The following SEMA3G variants were observed in gnomAD, a reference collection of about 807,000 sequenced individuals.
The protein encoded by SEMA3G is semaphorin 3G, also known as semaphorin-3G.
A neutral mutation model predicts 86.2 loss-of-function variants in SEMA3G; 70 were observed. The observed-to-expected ratio is 0.81, with a 90% CI of 0.67 to 0.99. SEMA3G has a LOEUF of 0.99. SEMA3G is among the 50% of genes least tolerant of loss of function. The pLI is 0.00. For synonymous variants in SEMA3G, 416 were observed against 441.4 expected, an observed-to-expected ratio of 0.94 and a Z score of 0.72; for missense variants, 1,002 against 1,072.4, an observed-to-expected ratio of 0.93 and a Z score of 0.92.
Position 52,444,815 on chromosome 3 carries a change from C to T in SEMA3G, c.115+98G>A, listed in dbSNP as rs2153229785. 4.1e-6 allele frequency: 3 copies of T among 739,092 alleles called. No homozygotes were observed. In the East Asian group the frequency reaches 1.0e-4, roughly 25 times the overall value. 45.8% of individuals were successfully genotyped at this position (739,092 alleles called of 1,614,324 possible). On this transcript the variant is annotated intron_variant, in intron 1 of 15. Coordinates refer to ENST00000231721, the MANE Select transcript of SEMA3G (RefSeq NM_020163.3). ...CACAAACACGGCACACGCACCCAAACAGGGCACATGCACACAAACACGGCA... is the reference window on the plus strand; with the variant it reads ...CACAAACACGGCACACGCACCCAAATAGGGCACATGCACACAAACACGGCA...
Position 52,440,424 on chromosome 3 carries a change from G to C in SEMA3G, c.1096C>G (p.Gln366Glu), listed in dbSNP as rs1467225666. The C allele has an allele frequency of 8.1e-6, 13 of 1,610,906 alleles. No individual in the cohort carries two copies. The highest frequency in any genetic ancestry group is 1.1e-5 in the Non-Finnish European group (13 of 1,179,310). ...PFAHRDGPQH[Q>E]WGPYGGKVPF... Reference sequence around the variant, plus strand: ...ACCTTGCCCCCATAGGGCCCCCACTGGTGCTGAGGCCCATCTCGGTGGGCA... The same window carrying C: ...ACCTTGCCCCCATAGGGCCCCCACTCGTGCTGAGGCCCATCTCGGTGGGCA... Residue 366 changes from glutamine to glutamate, a missense_variant, in exon 10 of 16, where the codon CAG becomes GAG. Gln to Glu is a conservative substitution (Grantham distance 29). Transcript: ENST00000231721.
intron 1 of SEMA3G, among the ~76,000 whole-genome samples, chr3:52,443,963 G>T (rs939594642): frequency 2.0e-5 from 3 of 152,196 alleles, no homozygotes; most frequent in Non-Finnish European, 2.9e-5. Context: ...CGGCTCACAT[G>T]TCTAGGGTAG....
intron 1 of SEMA3G, among the ~76,000 whole-genome samples, chr3:52,444,327 C>T (rs183238000): frequency 2.2e-4 from 33 of 152,158 alleles, no homozygotes; most frequent in African/African-American, 6.7e-4. Context: ...TGCCTCCCAC[C>T]GCCACCCTGG....
Position 52,440,128 on chromosome 3 carries a change from A to G in SEMA3G, c.1144-30T>C. The G allele has an allele frequency of 3.3e-6, 5 of 1,518,260 alleles. No individual in the cohort carries two copies. In the South Asian group the frequency reaches 4.9e-5, roughly 15 times the overall value. 94.0% of individuals were successfully genotyped at this position (1,518,260 alleles called of 1,614,324 possible). On this transcript the variant is annotated intron_variant, in intron 10 of 15. Transcript: ENST00000231721. Reference sequence around the variant, plus strand: ...GGGCAGCAGGGAAGGGAGTGCCTGAAGTATCCTGAGACAGCACACACCCTC... The same window carrying G: ...GGGCAGCAGGGAAGGGAGTGCCTGAGGTATCCTGAGACAGCACACACCCTC...
chr3:52,436,170 C>T, intron 15 of SEMA3G, 97 bp from the exon 16 acceptor site: 1 of 1,467,026 alleles, frequency 6.8e-7, no homozygotes, highest in Non-Finnish European at 9.0e-7. Context: ...GGGCCCAGTG[C>T]CTGGGCACTT....
At position 52,442,035 on chromosome 3, in the gene SEMA3G, G is replaced by T; in HGVS notation, c.460-126C>A. The T allele has an allele frequency of 7.5e-7, 1 of 1,330,354 alleles. No individual in the cohort carries two copies. The allele number at this position is 1,330,354 out of a possible 1,614,324, so 82.4% of individuals were successfully genotyped here. The stretch of plus-strand genomic sequence containing the variant: ...GTGGGCGGAAGGCGTCCTCATCCAG[G>T]GCCCCTCTAATGGGGTCAGCTCCCC... On this transcript the variant is annotated intron_variant, in intron 4 of 15. Coordinates refer to ENST00000231721, the MANE Select transcript of SEMA3G (RefSeq NM_020163.3). The surrounding 1 kb of genome is among the most constrained non-coding windows in gnomAD (Gnocchi z 6.1).
At position 52,440,375 on chromosome 3, in the gene SEMA3G, A is replaced by G. The variant is rs1706127724; in HGVS notation, c.1143+2T>C. ...CCTGGCCTGGCCCCAGCAGATACTCACCACGCCAGGGCGAGGGAAGGGCAC... is the reference window on the plus strand; with the variant it reads ...CCTGGCCTGGCCCCAGCAGATACTCGCCACGCCAGGGCGAGGGAAGGGCAC... On this transcript the variant is annotated splice_donor_variant, in intron 10 of 15. Transcript: ENST00000231721. LOFTEE classifies it high-confidence loss of function. 2 of 1,596,662 alleles carry G rather than the reference A, an allele frequency of 1.3e-6. No homozygotes were observed. The highest frequency in any genetic ancestry group is 1.1e-5 in the South Asian group (1 of 89,152).
At chr3:52,441,089 G>C in intron 7 of SEMA3G, 41 bp from the exon 8 acceptor site, 2 of 1,517,318 alleles carry the variant, frequency 1.3e-6, no homozygotes. Context: ...GGCCCCACGA[G>C]GATGGGTCCC....
At chr3:52,444,680 C>A (rs1318823440) in intron 1 of SEMA3G, among the ~76,000 whole-genome samples, 3 of 143,484 alleles carry the variant, frequency 2.1e-5, no homozygotes, top group Non-Finnish European at 4.6e-5. Flanking sequence ...ACACGGCACA[C>A]GCAAACTCGG....
At position 52,441,063 on chromosome 3, in the gene SEMA3G, G is replaced by C; in HGVS notation, c.814-15C>G. 1 of 1,578,098 alleles carries C rather than the reference G, an allele frequency of 6.3e-7. No homozygotes were observed. The highest frequency in any genetic ancestry group is 8.6e-7 in the Non-Finnish European group (1 of 1,166,548). On this transcript the variant is annotated splice_polypyrimidine_tract_variant and intron_variant, in intron 7 of 15. Coordinates refer to ENST00000231721, the MANE Select transcript of SEMA3G (RefSeq NM_020163.3). ...CCAGCATCATTCTGCAGGATAAGGG[G>C]CCAGAGTCACGCTTGGGCCCCACGA...
Position 52,437,636 on chromosome 3 carries a change from A to T in SEMA3G, c.1769T>A (p.Met590Lys), listed in dbSNP as rs1219892859. ...EEAVGLVAAT[M>K]VYGTEHNSTF... is the part of the protein sequence containing the mutation. ...GCTATTGTGCTCCGTGCCGTAGACC[A>T]TGGTGGCTGCCACAAGTCCCACTGC... The change falls in exon 15 of 16, where the codon ATG becomes AAG. Residue 590 changes from methionine (M) to lysine (K), a missense_variant. By Grantham distance (95) the Met-to-Lys change is moderately conservative. Transcript: ENST00000231721. 4 of 1,612,216 alleles carry T rather than the reference A, an allele frequency of 2.5e-6. No homozygotes were observed. Among genetic ancestry groups the T allele is most frequent in the Non-Finnish European group, 3.4e-6 (4 of 1,179,456 alleles).
chr3:52,438,986 G>T, intron 12 of SEMA3G, 25 bp from the exon 13 acceptor site: 1 of 1,610,930 alleles, frequency 6.2e-7, no homozygotes, highest in African/African-American at 1.3e-5. Context: ...GGGTCTCAGT[G>T]TGGGTCGGGT....
At position 52,435,479 on chromosome 3, in the gene SEMA3G, G is replaced by A; in HGVS notation, c.*124C>T. On this transcript the variant is annotated 3_prime_UTR_variant, in exon 16 of 16. Transcript: ENST00000231721. ...ACCCCAGTAGCGGTGTGGGGGCAGA[G>A]ACACCTGTCTCTAAGAGGCAAACAG... 1.1e-6 allele frequency: 1 copy of A among 917,326 alleles called. No homozygotes were observed. Among genetic ancestry groups the A allele is most frequent in the Non-Finnish European group, 1.7e-6 (1 of 603,366 alleles). The allele number at this position is 917,326 out of a possible 1,614,324, so 56.8% of individuals were successfully genotyped here.
rs1705999854 is a variant in SEMA3G, at chr3:52,434,066, T to A, written c.*1537A>T. On this transcript the variant is annotated 3_prime_UTR_variant, in exon 16 of 16. Transcript: ENST00000231721. This position sits in a 1 kb window ranked among gnomAD's most constrained non-coding sequence, Gnocchi z 5.2. ...AAACCCAAGGCAGTCTGGGTTTGAG[T>A]TTCAATAGGGCAGGGAACCCTGGCT... 6.6e-6 allele frequency: 1 copy of A among 151,826 alleles called. No homozygotes were observed. Among genetic ancestry groups the A allele is most frequent in the Non-Finnish European group, 1.5e-5 (1 of 67,938 alleles). The allele number at this position is 151,826 out of a possible 1,614,324, so 9.4% of individuals were successfully genotyped here.
Position 52,440,031 on chromosome 3 carries a change from A to G in SEMA3G, c.1211T>C (p.Val404Ala). 1 of 1,611,446 alleles carries G rather than the reference A, an allele frequency of 6.2e-7. No individual in the cohort carries two copies. The highest frequency in any genetic ancestry group is 8.5e-7 in the Non-Finnish European group (1 of 1,178,352). Residue 404 changes from valine (V) to alanine (A), a missense_variant, in exon 11 of 16, where the codon GTG (valine) becomes GCG (alanine). Coordinates refer to ENST00000231721, the MANE Select transcript of SEMA3G (RefSeq NM_020163.3). ...FGSTKDYPDE[V>A]LQFARAHPLM... ...GGGGTGGGCTCGGGCAAACTGCAGC[A>G]CCTCATCTGGGTAGTCCTTGGTGCT...
rs371677116 is a variant in SEMA3G, at chr3:52,441,334, G to T, written c.743C>A (p.Ser248Ter). 1 of 1,613,836 alleles carries T rather than the reference G, an allele frequency of 6.2e-7. No individual in the cohort carries two copies. Among genetic ancestry groups the T allele is most frequent in the Non-Finnish European group, 8.5e-7 (1 of 1,180,014 alleles). The change falls in exon 7 of 16, where the codon TCG becomes TAG. Residue 248 changes from serine (S) to a stop codon, truncating the protein, a stop_gained. Transcript: ENST00000231721. LOFTEE classifies it high-confidence loss of function. ...QDNDKVYFFFSETVPSPDGGS... is the reference protein window; with the variant it reads ...QDNDKVYFFF ...ACCATCGGGCGAGGGGACCGTCTCC[G>T]AGAAGAAGAAGTACACCTTGTCATT...
At chr3:52,439,603 T>A (rs978491603) in intron 12 of SEMA3G, 77 bp downstream of exon 12, 13 of 1,219,158 alleles carry the variant, frequency 1.1e-5, no homozygotes, top group Non-Finnish European at 1.6e-5. Context: ...CTACTGGGCT[T>A]GCTCCTGCAT....
intron 10 of SEMA3G, 56 bp from the exon 11 acceptor site, chr3:52,440,154 C>T (rs1706120071): frequency 7.1e-7 from 1 of 1,400,618 alleles, no homozygotes; most frequent in Non-Finnish European, 9.7e-7. Flanking sequence ...ACACACCCTC[C>T]ACCGCCAGTC....
rs1445776337 is a variant in SEMA3G at position 52,433,494 on chromosome 3, C to A, written c.*2109G>T. 6.6e-6 allele frequency: 1 copy of A among 152,602 alleles called. No individual in the cohort carries two copies. Among genetic ancestry groups the A allele is most frequent in the African/African-American group, 2.4e-5 (1 of 41,430 alleles). 9.5% of individuals were successfully genotyped at this position (152,602 alleles called of 1,614,324 possible). The stretch of plus-strand genomic sequence containing the variant: ...CAAGGCCCATCTCAACACACAAATA[C>A]AAAAACAACTCGCATTTACGGGGCG... On this transcript the variant is annotated 3_prime_UTR_variant, in exon 16 of 16. Transcript: ENST00000231721.
Sources: gnomAD v4.1 joint callset for allele counts (sites outside exome capture counted in the v4.1 genomes callset) on GRCh38, gnomAD v4.1.1 for gene constraint, Gnocchi (gnomAD v3.1) non-coding constraint, MANE v1.5 for transcripts, NCBI Gene and HGNC (gene_info 2026-07-23, HGNC 2026-07-21) for gene names.